Variants in DMD observed in about 807,000 individuals in gnomAD.
The protein encoded by DMD is dystrophin.
A neutral mutation model predicts 330.1 loss-of-function variants in DMD; 63 were observed. The observed-to-expected ratio is 0.19, with a 90% CI of 0.16 to 0.24. The LOEUF (loss-of-function observed/expected upper bound fraction) is 0.24, where lower values mean the gene tolerates loss of function less well. DMD is among the 10% of genes least tolerant of loss of function. DMD has a pLI of 1.00. For missense variants in DMD, 3,344 were observed against 2,684.1 expected, an observed-to-expected ratio of 1.25 and a Z score of -5.43; for synonymous variants, 1,223 against 959.8, an observed-to-expected ratio of 1.27 and a Z score of -5.07.
intron 47 of DMD, among the ~76,000 whole-genome samples, chrX:31,896,908 G>A (rs186483955): frequency 9.1e-6 from 1 of 109,951 alleles, no homozygotes; most frequent in Non-Finnish European, 1.9e-5. Context: ...CAATTTCTTT[G>A]CTTTTTTCTT....
intron 2 of DMD, among the ~76,000 whole-genome samples, chrX:32,997,105 A>G (rs1255025562): frequency 1.8e-5 from 2 of 111,381 alleles, no homozygotes; most frequent in African/African-American, 6.5e-5. Context: ...CATCACTCCA[A>G]TAGTGTACAT....
intron 2 of DMD, among the ~76,000 whole-genome samples, chrX:32,933,121 T>C (rs771843883): frequency 1.0e-3 from 115 of 110,349 alleles, no homozygotes; most frequent in Non-Finnish European, 1.8e-3. Flanking sequence ...GGAAAATATT[T>C]TCCCGTTTTG....
chrX:31,225,717 G>A (rs752619451), intron 63 of DMD, among the ~76,000 whole-genome samples: 1 of 111,802 alleles, frequency 8.9e-6, no homozygotes, highest in Admixed American at 9.5e-5. Flanking sequence ...TATGGGAAGG[G>A]CCTGGGAATC....
intron 60 of DMD, among the ~76,000 whole-genome samples, chrX:31,437,834 T>C (rs1469799514): frequency 9.3e-6 from 1 of 107,145 alleles, no homozygotes; most frequent in African/African-American, 3.4e-5. Context: ...ATATAACATA[T>C]ACATATTACA....
In DMD at chrX:31,222,392, CAAAAAAAAAAAAAA is replaced by C. The variant is rs57227723; in HGVS notation, c.9361+641_9361+654del. On this transcript the variant is annotated intron_variant, in intron 64 of 78. Transcript: ENST00000357033. The stretch of plus-strand genomic sequence containing the variant: ...TGGGCAACAGAGCAAGACTCCATCT[CAAAAAAAAAAAAAA>C]AAAAAAAAAAACAGAAAAAAAGAAA... 1.9e-4 allele frequency among the ~76,000 whole-genome samples: 4 copies of C among 20,625 alleles called. 1 individual carries two copies. The South Asian group carries it at 0.026, about 132-fold the overall frequency. 17.9% of individuals were successfully genotyped at this position (20,625 alleles called of 115,157 possible).
At chrX:32,389,063 A>C (rs2097981797) in intron 32 of DMD, among the ~76,000 whole-genome samples, 1 of 111,502 alleles carries the variant, frequency 9.0e-6, no homozygotes, top group Non-Finnish European at 1.9e-5. Context: ...TTTGCCATTC[A>C]CCAGCTGTTT....
intron 44 of DMD, among the ~76,000 whole-genome samples, chrX:32,152,022 C>T (rs1245647537): frequency 1.8e-5 from 2 of 111,501 alleles, no homozygotes; most frequent in African/African-American, 3.3e-5. Context: ...AGTATATATG[C>T]CCTTGTACAC....
At chrX:31,605,067 G>T (rs1223720361) in intron 55 of DMD, among the ~76,000 whole-genome samples, 1 of 111,704 alleles carries the variant, frequency 9.0e-6, no homozygotes, top group African/African-American at 3.2e-5. Flanking sequence ...CATAAATAAG[G>T]AAGTGGTTAG....
At chrX:31,400,506 T>C (rs1447661605) in intron 60 of DMD, among the ~76,000 whole-genome samples, 1 of 111,591 alleles carries the variant, frequency 9.0e-6, no homozygotes, top group Non-Finnish European at 1.9e-5. Flanking sequence ...ATTCTCAACC[T>C]TGGCAAAATA....
chrX:32,014,727 A>G (rs1162974763), intron 44 of DMD, among the ~76,000 whole-genome samples: 1 of 112,333 alleles, frequency 8.9e-6, no homozygotes, highest in Non-Finnish European at 1.9e-5. Context: ...CTGAAAGAAC[A>G]TAAGTGAAGG....
intron 2 of DMD, among the ~76,000 whole-genome samples, chrX:32,953,132 CA>C (rs956888529): frequency 0.083 from 4,025 of 48,264 alleles, 62 homozygotes; most frequent in Middle Eastern, 0.16. Flanking sequence ...AAGACTCCAC[CA>C]AAAAAAAAAA....
intron 5 of DMD, among the ~76,000 whole-genome samples, chrX:32,821,734 A>C (rs1331029180): frequency 3.6e-5 from 4 of 112,043 alleles, no homozygotes; most frequent in Non-Finnish European, 7.5e-5. Context: ...TATTATATTG[A>C]TATAAAATAT....
intron 18 of DMD, among the ~76,000 whole-genome samples, chrX:32,504,210 A>T (rs2044373532): frequency 8.9e-6 from 1 of 112,422 alleles, no homozygotes; most frequent in African/African-American, 3.2e-5. Flanking sequence ...ATTTACTTTC[A>T]TGTTATTCAC....
At chrX:32,964,292 G>A (rs1322122085) in intron 2 of DMD, among the ~76,000 whole-genome samples, 2 of 102,870 alleles carry the variant, frequency 1.9e-5, no homozygotes, top group Non-Finnish European at 3.9e-5. Flanking sequence ...GGCAACTTTT[G>A]GAAGAGACTA....
intron 60 of DMD, among the ~76,000 whole-genome samples, chrX:31,435,868 G>C (rs1422258983): frequency 9.0e-6 from 1 of 111,318 alleles, no homozygotes; most frequent in Non-Finnish European, 1.9e-5. Context: ...GGTGGGGCGG[G>C]GTCAAACTCC....
rs1469514163 is a variant in DMD, at chrX:32,614,468, G to A, written c.1332-15C>T. 1 of 1,192,428 alleles carries A rather than the reference G, an allele frequency of 8.4e-7. No homozygotes were observed. The highest frequency in any genetic ancestry group is 1.8e-5 in the South Asian group (1 of 56,201). The stretch of plus-strand genomic sequence containing the variant: ...CTCTATGTAAACTGAAAATTTGAAA[G>A]AAGCCTATTATGACCTCTTTGAAAG... On this transcript the variant is annotated splice_polypyrimidine_tract_variant and intron_variant, in intron 11 of 78. Transcript: ENST00000357033.
intron 7 of DMD, among the ~76,000 whole-genome samples, chrX:32,736,924 GA>G (rs924492331): frequency 6.7e-5 from 7 of 104,368 alleles, no homozygotes; most frequent in Non-Finnish European, 1.4e-4. Flanking sequence ...AATAATAAAA[GA>G]AAAAAAAACT....
chrX:32,127,506 A>G (rs1202259213), intron 44 of DMD, among the ~76,000 whole-genome samples: 1 of 110,821 alleles, frequency 9.0e-6, no homozygotes, highest in Non-Finnish European at 1.9e-5. Context: ...GTACTTTTTT[A>G]CTTCTCTAAC....
chrX:31,322,722 C>G (rs2056510026), intron 62 of DMD, among the ~76,000 whole-genome samples: 1 of 111,956 alleles, frequency 8.9e-6, no homozygotes, highest in East Asian at 2.8e-4. Context: ...AGAATAAAAA[C>G]AGATTCGATA....
Sources: gnomAD v4.1 joint callset for allele counts (sites outside exome capture counted in the v4.1 genomes callset) on GRCh38, gnomAD v4.1.1 for gene constraint, MANE v1.5 for transcripts, NCBI Gene and HGNC (gene_info 2026-07-23, HGNC 2026-07-21) for gene names.